SCAPER: variants seen among roughly 807,000 people sequenced by gnomAD.
SCAPER encodes S-phase cyclin A associated protein in the ER.
In SCAPER, 98 loss-of-function variants were observed where a neutral mutation model predicts 182.2. The observed-to-expected ratio is 0.54, with a 90% confidence interval of 0.46 to 0.64. SCAPER has a LOEUF of 0.64. SCAPER is among the 30% of genes least tolerant of loss of function. SCAPER has a pLI of 0.00. For synonymous variants in SCAPER, 605 were observed against 564.6 expected, an observed-to-expected ratio of 1.07 and a Z score of -1.01; for missense variants, 1,432 against 1,690.0, an observed-to-expected ratio of 0.85 and a Z score of 2.68.
chr15:76,430,366 T>C (rs1001157006), intron 26 of SCAPER, among the ~76,000 whole-genome samples: 5 of 152,150 alleles, frequency 3.3e-5, no homozygotes, highest in African/African-American at 9.7e-5. Flanking sequence ...CATTGACAGC[T>C]TGCACCACGT....
At chr15:76,797,284 A>G (rs2065399609) in intron 7 of SCAPER, 1 of 152,236 alleles carries the variant, frequency 6.6e-6, no homozygotes, top group Non-Finnish European at 1.5e-5. Context: ...AAAACAACTT[A>G]GTCTTAAAAA....
At chr15:76,892,750 G>A (rs1025858892) in intron 1 of SCAPER, among the ~76,000 whole-genome samples, 4 of 152,182 alleles carry the variant, frequency 2.6e-5, no homozygotes, top group Non-Finnish European at 4.4e-5. Context: ...AACCATTGTG[G>A]AAAACAGTGT....
intron 22 of SCAPER, among the ~76,000 whole-genome samples, chr15:76,585,371 C>T (rs2048568238): frequency 6.6e-6 from 1 of 152,052 alleles, no homozygotes; most frequent in South Asian, 2.1e-4. Flanking sequence ...CTTCTTTTAC[C>T]TTCCAATCAA....
intron 26 of SCAPER, among the ~76,000 whole-genome samples, chr15:76,409,601 C>A (rs2045131674): frequency 6.7e-6 from 1 of 150,370 alleles, no homozygotes; most frequent in Non-Finnish European, 1.5e-5. Flanking sequence ...ATTATGTACC[C>A]CCGAATCTAT....
At chr15:76,874,897 A>G in intron 2 of SCAPER, among the ~76,000 whole-genome samples, 1 of 152,136 alleles carries the variant, frequency 6.6e-6, no homozygotes, top group South Asian at 2.1e-4. Context: ...CAGGAGTTCA[A>G]GGTTTCAGTG....
At chr15:76,880,659 G>A (rs1342037170) in intron 2 of SCAPER, among the ~76,000 whole-genome samples, 2 of 151,210 alleles carry the variant, frequency 1.3e-5, no homozygotes, top group African/African-American at 2.4e-5. Flanking sequence ...ATAGGAAATA[G>A]TATGCAGCTA....
intron 29 of SCAPER, among the ~76,000 whole-genome samples, chr15:76,369,332 T>G (rs1255941897): frequency 6.6e-6 from 1 of 152,208 alleles, no homozygotes; most frequent in Non-Finnish European, 1.5e-5. Context: ...TAAGGAAATA[T>G]TAAATGAATT....
chr15:76,734,676 G>A (rs1378269735), intron 15 of SCAPER, among the ~76,000 whole-genome samples: 11 of 152,024 alleles, frequency 7.2e-5, no homozygotes, highest in African/African-American at 2.7e-4. Context: ...AGGAGTGCAA[G>A]CTAGCCTGGC....
intron 22 of SCAPER, among the ~76,000 whole-genome samples, chr15:76,580,302 C>T (rs1291249017): frequency 1.3e-5 from 2 of 152,114 alleles, no homozygotes; most frequent in Admixed American, 1.3e-4. Context: ...AATTCAAAAA[C>T]CTGAAATTGT....
Position 76,904,065 on chromosome 15 carries a change from T to C in SCAPER, c.-60+1234A>G, listed in dbSNP as rs375684764. Reference sequence around the variant, plus strand: ...AGTGGATATCATTCTTCAAGTGGCATAAATCATCTGCAACCAACAAACTTT... The same window carrying C: ...AGTGGATATCATTCTTCAAGTGGCACAAATCATCTGCAACCAACAAACTTT... On this transcript the variant is annotated intron_variant, in intron 1 of 31. Transcript: ENST00000563290. Among the ~76,000 whole-genome samples, 91 of 152,312 alleles carry C rather than the reference T, an allele frequency of 6.0e-4. No individual in the cohort carries two copies. In the South Asian group the frequency reaches 0.018, roughly 31 times the overall value.
intron 8 of SCAPER, among the ~76,000 whole-genome samples, chr15:76,794,580 T>C (rs1222486631): frequency 1.3e-5 from 2 of 152,232 alleles, no homozygotes; most frequent in Non-Finnish European, 2.9e-5. Context: ...CATTTCTTTC[T>C]GAACCGAAAA....
chr15:76,387,585 A>G lies in SCAPER; in HGVS notation c.3468-5970T>C, dbSNP rs2043370248. Among the ~76,000 whole-genome samples the G allele has an allele frequency of 2.0e-5, 3 of 152,228 alleles. No homozygotes were observed. The South Asian group carries it at 6.2e-4, about 32-fold the overall frequency. ...TAGAGTCTGAGGATTGATCCTTGGG[A>G]TACCCCAAAGTTTAGAACCAGGAGA... On this transcript the variant is annotated intron_variant, in intron 27 of 31. Transcript: ENST00000563290.
At chr15:76,486,035 G>A (rs1294290444) in intron 24 of SCAPER, among the ~76,000 whole-genome samples, 2 of 151,990 alleles carry the variant, frequency 1.3e-5, no homozygotes, top group African/African-American at 4.8e-5. Flanking sequence ...GTGAAACCCC[G>A]TCTCTACCAA....
At chr15:76,869,872 G>T (rs948058456) in intron 2 of SCAPER, among the ~76,000 whole-genome samples, 1 of 151,996 alleles carries the variant, frequency 6.6e-6, no homozygotes, top group African/African-American at 2.4e-5. Flanking sequence ...GATGAATAAA[G>T]AAAAAGTATT....
intron 1 of SCAPER, among the ~76,000 whole-genome samples, chr15:76,902,583 C>A (rs543812066): frequency 2.0e-5 from 3 of 152,218 alleles, no homozygotes; most frequent in African/African-American, 4.8e-5. Context: ...ACAGTTTTCT[C>A]TTCTACAATT....
At chr15:76,548,419 G>A (rs2045475668) in intron 23 of SCAPER, among the ~76,000 whole-genome samples, 1 of 152,124 alleles carries the variant, frequency 6.6e-6, no homozygotes, top group Non-Finnish European at 1.5e-5. Context: ...ACTGTATTTT[G>A]TAGATGGAAA....
At chr15:76,392,034 G>A (rs775329753) in intron 27 of SCAPER, among the ~76,000 whole-genome samples, 3 of 152,180 alleles carry the variant, frequency 2.0e-5, no homozygotes, top group Non-Finnish European at 2.9e-5. Flanking sequence ...AGGCAGTCAG[G>A]AGGGACAGCC....
intron 24 of SCAPER, among the ~76,000 whole-genome samples, chr15:76,497,995 A>AT (rs2040731800): frequency 1.7e-5 from 2 of 115,164 alleles, no homozygotes; most frequent in Non-Finnish European, 1.8e-5. Flanking sequence ...GTCTCAAAAA[A>AT]AAAAAAAAAA....
At chr15:76,671,261 A>C (rs2056993833) in intron 20 of SCAPER, among the ~76,000 whole-genome samples, 1 of 152,146 alleles carries the variant, frequency 6.6e-6, no homozygotes, top group East Asian at 1.9e-4. Flanking sequence ...TGAGTCTGGG[A>C]AGTTGAGGCA....
Sources: gnomAD v4.1 joint callset for allele counts (sites outside exome capture counted in the v4.1 genomes callset) on GRCh38, gnomAD v4.1.1 for gene constraint, MANE v1.5 for transcripts, NCBI Gene and HGNC (gene_info 2026-07-23, HGNC 2026-07-21) for gene names.